Variants in RASSF3 observed in about 807,000 individuals in gnomAD.
The protein encoded by RASSF3 is Ras association domain family member 3, also known as ras association domain-containing protein 3.
In RASSF3, 19 loss-of-function variants were observed where a neutral mutation model predicts 19.9. The observed-to-expected ratio is 0.96, with a 90% CI of 0.67 to 1.40. The LOEUF (loss-of-function observed/expected upper bound fraction) is 1.40. Ranked by LOEUF, RASSF3 falls within the 40% of genes most tolerant of loss-of-function variation. RASSF3 has a pLI of 0.00. For synonymous variants in RASSF3, 110 were observed against 104.2 expected (o/e 1.06, Z -0.34); for missense variants, 306 against 289.8 (o/e 1.06, Z -0.41).
intron 1 of RASSF3, among the ~76,000 whole-genome samples, chr12:64,630,681 G>A (rs899931530): frequency 2.0e-5 from 3 of 152,310 alleles, no homozygotes; most frequent in Admixed American, 2.0e-4. Context: ...ATGAATGTGG[G>A]GATGAAGTAG....
At chr12:64,516,940 A>G (rs1868377200) in intron 1 of RASSF3, among the ~76,000 whole-genome samples, 2 of 143,582 alleles carry the variant, frequency 1.4e-5, no homozygotes, top group South Asian at 2.3e-4. Context: ...CAGAGGTTGC[A>G]GTGAGTCTAA....
chr12:64,561,258 A>G (rs766722266), intron 2 of RASSF3, among the ~76,000 whole-genome samples: 3 of 152,212 alleles, frequency 2.0e-5, no homozygotes, highest in Non-Finnish European at 4.4e-5. Context: ...GAGTCATAGT[A>G]TAAGGAAGCC....
At chr12:64,634,567 C>T (rs986712135) in intron 1 of RASSF3, among the ~76,000 whole-genome samples, 1 of 152,004 alleles carries the variant, frequency 6.6e-6, no homozygotes, top group Admixed American at 6.6e-5. Context: ...GCCCAAGCTT[C>T]ACCATAAATT....
chr12:64,647,195 A>C (rs368831855), intron 1 of RASSF3, among the ~76,000 whole-genome samples: 14 of 152,234 alleles, frequency 9.2e-5, no homozygotes, highest in African/African-American at 3.4e-4. Context: ...TTCTGGTAAA[A>C]GATAAATGAA....
At chr12:64,637,022 A>G (rs1290189336) in intron 1 of RASSF3, among the ~76,000 whole-genome samples, 1 of 152,170 alleles carries the variant, frequency 6.6e-6, no homozygotes, top group Non-Finnish European at 1.5e-5. Flanking sequence ...CCCTACATAT[A>G]TTCCCAAGTT....
intron 2 of RASSF3, among the ~76,000 whole-genome samples, chr12:64,584,952 C>T (rs1196909921): frequency 8.0e-6 from 1 of 125,388 alleles, no homozygotes; most frequent in African/African-American, 3.0e-5. Context: ...GTGGCATGAT[C>T]TTGGCTCACT....
In RASSF3 at chr12:64,694,900, G is replaced by C; in HGVS notation, c.705G>C (p.Trp235Cys). ...QKLEEALREV[W>C]KPD is the part of the protein sequence containing the mutation. ...TGGAAGAAGCCCTCCGTGAGGTGTGGAAGCCTGATTAAAGCGGGGCTCCCT... is the reference window on the plus strand; with the variant it reads ...TGGAAGAAGCCCTCCGTGAGGTGTGCAAGCCTGATTAAAGCGGGGCTCCCT... Residue 235 changes from tryptophan to cysteine, a missense_variant, in exon 5 of 5, where the codon TGG (tryptophan) becomes TGC (cysteine). Physicochemically the swap from Trp to Cys is radical, Grantham distance 215. Coordinates refer to ENST00000542104, the MANE Select transcript of RASSF3 (RefSeq NM_178169.4). 1 of 1,614,092 alleles carries C rather than the reference G, an allele frequency of 6.2e-7. No individual in the cohort carries two copies. The highest frequency in any genetic ancestry group is 8.5e-7 in the Non-Finnish European group (1 of 1,180,012).
At chr12:64,519,302 G>A (rs1868420091) in intron 1 of RASSF3, among the ~76,000 whole-genome samples, 1 of 152,178 alleles carries the variant, frequency 6.6e-6, no homozygotes, top group African/African-American at 2.4e-5. Flanking sequence ...TGCTACTTGG[G>A]AGACTGAGGC....
chr12:64,522,252 C>CTT (rs112451411), intron 1 of RASSF3, among the ~76,000 whole-genome samples: 1 of 151,214 alleles, frequency 6.6e-6, no homozygotes, highest in African/African-American at 2.4e-5. Flanking sequence ...TCATTGCTTT[C>CTT]TTTTTTTTTG....
intron 1 of RASSF3, among the ~76,000 whole-genome samples, chr12:64,670,819 C>T (rs895896294): frequency 2.0e-5 from 3 of 152,272 alleles, no homozygotes; most frequent in East Asian, 1.9e-4. Flanking sequence ...AGTGGGCAAA[C>T]GTTAGGGTCT....
chr12:64,632,253 C>T (rs1871191999), intron 1 of RASSF3, among the ~76,000 whole-genome samples: 1 of 152,016 alleles, frequency 6.6e-6, no homozygotes, highest in South Asian at 2.1e-4. Context: ...GCAAAGGTTG[C>T]CACGCCAAAG....
chr12:64,582,826 C>G (rs1001952917), intron 2 of RASSF3, among the ~76,000 whole-genome samples: 1 of 152,160 alleles, frequency 6.6e-6, no homozygotes, highest in African/African-American at 2.4e-5. Context: ...GTTGAGCTAG[C>G]CTTCTGATTT....
intron 2 of RASSF3, among the ~76,000 whole-genome samples, chr12:64,551,913 A>G (rs1869170584): frequency 6.6e-6 from 1 of 152,076 alleles, no homozygotes; most frequent in African/African-American, 2.4e-5. Flanking sequence ...AGACTGAGAG[A>G]TATTATCTTC....
chr12:64,523,287 T>A (rs1437337879), intron 1 of RASSF3, among the ~76,000 whole-genome samples: 1 of 152,014 alleles, frequency 6.6e-6, no homozygotes, highest in Non-Finnish European at 1.5e-5. Flanking sequence ...GCACCTGTAA[T>A]CCCACCTACT....
chr12:64,583,663 C>T (rs1365490647), intron 2 of RASSF3, among the ~76,000 whole-genome samples: 1 of 152,108 alleles, frequency 6.6e-6, no homozygotes, highest in East Asian at 1.9e-4. Flanking sequence ...CAGTCATCCA[C>T]ATGATTTTTG....
chr12:64,647,394 C>T (rs1203220580), intron 1 of RASSF3, among the ~76,000 whole-genome samples: 1 of 150,864 alleles, frequency 6.6e-6, no homozygotes, highest in Non-Finnish European at 1.5e-5. Flanking sequence ...CACCACCATG[C>T]TCGGCTAATT....
At chr12:64,625,863 A>G (rs995984711) in intron 1 of RASSF3, among the ~76,000 whole-genome samples, 7 of 152,288 alleles carry the variant, frequency 4.6e-5, no homozygotes, top group South Asian at 4.1e-4. Flanking sequence ...TTAAAGCTCA[A>G]TGAGTCATGT....
At chr12:64,662,725 C>T (rs779305510) in intron 1 of RASSF3, among the ~76,000 whole-genome samples, 1 of 152,062 alleles carries the variant, frequency 6.6e-6, no homozygotes, top group Non-Finnish European at 1.5e-5. Context: ...ATCTTGTTTC[C>T]GTGTGAAATG....
intron 1 of RASSF3, among the ~76,000 whole-genome samples, chr12:64,675,370 G>A (rs1350273389): frequency 1.3e-5 from 2 of 151,862 alleles, no homozygotes; most frequent in Non-Finnish European, 2.9e-5. Flanking sequence ...GGTTGGTCTC[G>A]AACTCCTGGG....
Sources: gnomAD v4.1 joint callset for allele counts (sites outside exome capture counted in the v4.1 genomes callset) on GRCh38, gnomAD v4.1.1 for gene constraint, MANE v1.5 for transcripts, NCBI Gene and HGNC (gene_info 2026-07-23, HGNC 2026-07-21) for gene names.